ABCA12: variants seen among roughly 807,000 people sequenced by gnomAD.
The protein encoded by ABCA12 is ATP binding cassette subfamily A member 12.
Under a neutral mutation model 293.5 loss-of-function variants are expected in ABCA12, and 156 were observed. The ratio of observed to expected loss-of-function variants is 0.53; its 90% CI spans 0.47 to 0.61. The LOEUF is 0.61. Among genes scored for constraint, ABCA12 ranks in the 20% least tolerant of loss-of-function variants. The probability of loss-of-function intolerance (pLI) is 0.00; values close to 1 mark genes in which losing one functional copy is unlikely to be tolerated. For missense variants in ABCA12, 2,797 were observed against 3,090.2 expected (o/e 0.91, Z 2.25); for synonymous variants, 1,063 against 1,108.0 (o/e 0.96, Z 0.81).
intron 15 of ABCA12, among the ~76,000 whole-genome samples, chr2:215,014,189 A>G (rs1030232327): frequency 5.9e-5 from 9 of 152,116 alleles, no homozygotes; most frequent in Non-Finnish European, 1.3e-4. Context: ...TCAAAAAAAA[A>G]AAAAGGTTTA....
intron 26 of ABCA12, among the ~76,000 whole-genome samples, chr2:214,988,322 G>C: frequency 6.6e-6 from 1 of 152,248 alleles, no homozygotes; most frequent in East Asian, 1.9e-4. Context: ...TAAGTGTACA[G>C]GTAGATAAGT....
intron 1 of ABCA12, among the ~76,000 whole-genome samples, chr2:215,124,787 G>A (rs775116582): frequency 6.6e-6 from 1 of 152,112 alleles, no homozygotes; most frequent in Non-Finnish European, 1.5e-5. Context: ...TCCTTTTGCT[G>A]TGCAAAAGCT....
At chr2:215,060,034 A>T (rs1055334435) in intron 3 of ABCA12, among the ~76,000 whole-genome samples, 4 of 151,948 alleles carry the variant, frequency 2.6e-5, no homozygotes, top group African/African-American at 7.3e-5. Context: ...GCCCACCCAC[A>T]CTTATCTCCA....
intron 1 of ABCA12, among the ~76,000 whole-genome samples, chr2:215,134,597 CTCTATATA>C (rs1475799513): frequency 1.2e-5 from 1 of 83,000 alleles, no homozygotes; most frequent in African/African-American, 8.5e-5. Context: ...CTCTCTCTCT[CTCTATATA>C]TATATATATA....
At position 215,025,061 on chromosome 2, in the gene ABCA12, T is replaced by C. The variant is rs532963502; in HGVS notation, c.1287+612A>G. On this transcript the variant is annotated intron_variant, in intron 11 of 52. Coordinates refer to ENST00000272895, the MANE Select transcript of ABCA12 (RefSeq NM_173076.3). Reference sequence around the variant, plus strand: ...TTTGAGATTTTTGTATGCTGTGAAATCTAAAACATCAGCTTTCAAAATCTA... The same window carrying C: ...TTTGAGATTTTTGTATGCTGTGAAACCTAAAACATCAGCTTTCAAAATCTA... Among the ~76,000 whole-genome samples, 277 of 152,258 alleles carry C rather than the reference T, an allele frequency of 1.8e-3. 1 individual carries two copies. The highest frequency in any genetic ancestry group is 2.8e-3 in the Non-Finnish European group (192 of 68,002).
At chr2:215,047,531 G>T (rs1701227067) in intron 6 of ABCA12, among the ~76,000 whole-genome samples, 1 of 152,094 alleles carries the variant, frequency 6.6e-6, no homozygotes, top group Non-Finnish European at 1.5e-5. Flanking sequence ...AAGCCATGGG[G>T]AAAGAACTCC....
At chr2:215,064,420 G>A (rs746806487) in intron 2 of ABCA12, among the ~76,000 whole-genome samples, 8 of 151,958 alleles carry the variant, frequency 5.3e-5, no homozygotes, top group Non-Finnish European at 8.8e-5. Context: ...TCCCTTTTCC[G>A]GATTTGCTAA....
rs1457467483 is a variant in ABCA12 at position 214,949,025 on chromosome 2, A to G, written c.6962+15T>C. On this transcript the variant is annotated intron_variant, in intron 46 of 52. Transcript: ENST00000272895. ...TATGTTGTACTCGCTAAATTGAAGCATTAGTTTTTCATACCCGGTCTTATT... is the reference window on the plus strand; with the variant it reads ...TATGTTGTACTCGCTAAATTGAAGCGTTAGTTTTTCATACCCGGTCTTATT... 1.3e-6 allele frequency: 2 copies of G among 1,585,936 alleles called. No homozygotes were observed. Among genetic ancestry groups the G allele is most frequent in the Admixed American group, 3.3e-5 (2 of 59,964 alleles).
intron 6 of ABCA12, among the ~76,000 whole-genome samples, chr2:215,049,166 T>C (rs936171504): frequency 4.6e-5 from 7 of 152,114 alleles, no homozygotes; most frequent in African/African-American, 1.4e-4. Flanking sequence ...ATAAAAGTTT[T>C]TGAAAATTCA....
intron 2 of ABCA12, among the ~76,000 whole-genome samples, chr2:215,092,337 G>T (rs981583387): frequency 6.6e-6 from 1 of 152,014 alleles, no homozygotes; most frequent in Non-Finnish European, 1.5e-5. Flanking sequence ...CCCCTGCCCA[G>T]TTCCCTTATT....
intron 4 of ABCA12, 119 bp downstream of exon 4, chr2:215,054,454 C>A (rs1204675332): frequency 5.7e-6 from 5 of 869,780 alleles, no homozygotes; most frequent in Non-Finnish European, 9.5e-6. Context: ...TTAGATCTCA[C>A]AGGGCTATTC....
intron 2 of ABCA12, among the ~76,000 whole-genome samples, chr2:215,077,454 T>C (rs1021922298): frequency 6.6e-6 from 1 of 152,196 alleles, no homozygotes; most frequent in Non-Finnish European, 1.5e-5. Context: ...TTTCATTTTT[T>C]TACTCACTGT....
chr2:215,116,829 C>A (rs933249277), intron 1 of ABCA12, among the ~76,000 whole-genome samples: 3 of 152,128 alleles, frequency 2.0e-5, no homozygotes, highest in South Asian at 2.1e-4. Flanking sequence ...ACAACTGATA[C>A]TTTACAAGAC....
At chr2:215,065,869 T>A (rs781011522) in intron 2 of ABCA12, among the ~76,000 whole-genome samples, 2 of 152,086 alleles carry the variant, frequency 1.3e-5, no homozygotes, top group Non-Finnish European at 2.9e-5. Flanking sequence ...AATACCAGTA[T>A]GAATGAAAGA....
At chr2:214,976,904 G>A (rs1050612055) in intron 33 of ABCA12, among the ~76,000 whole-genome samples, 9 of 152,070 alleles carry the variant, frequency 5.9e-5, no homozygotes, top group Admixed American at 4.6e-4. Context: ...CTGCCACCAC[G>A]CACACCTTCA....
chr2:215,053,665 T>C (rs1461956782), intron 4 of ABCA12, among the ~76,000 whole-genome samples: 1 of 152,170 alleles, frequency 6.6e-6, no homozygotes, highest in Non-Finnish European at 1.5e-5. Context: ...CAACTTGCAT[T>C]GGAATGTTAT....
intron 45 of ABCA12, among the ~76,000 whole-genome samples, chr2:214,950,364 A>ATG (rs1406056790): frequency 4.2e-5 from 6 of 142,842 alleles, no homozygotes; most frequent in African/African-American, 1.1e-4. Context: ...ATATATATAT[A>ATG]TGTGTGTGTA....
Position 214,987,797 on chromosome 2 carries a change from G to T in ABCA12, c.3830-4C>A, listed in dbSNP as rs1202479210. 1.4e-5 allele frequency: 23 copies of T among 1,612,828 alleles called. No individual in the cohort carries two copies. Among genetic ancestry groups the T allele is most frequent in the Non-Finnish European group, 1.9e-5 (23 of 1,179,544 alleles). ...GGAGCTGCCATACCGTATGTCCCTGGAATAAAAATATATCAGGAACAGTGA... is the reference window on the plus strand; with the variant it reads ...GGAGCTGCCATACCGTATGTCCCTGTAATAAAAATATATCAGGAACAGTGA... On this transcript the variant is annotated splice_polypyrimidine_tract_variant and splice_region_variant and intron_variant, in intron 26 of 52. Transcript: ENST00000272895.
intron 2 of ABCA12, among the ~76,000 whole-genome samples, chr2:215,069,923 T>A (rs1016396004): frequency 6.6e-6 from 1 of 152,210 alleles, no homozygotes; most frequent in African/African-American, 2.4e-5. Flanking sequence ...AGCACAATGC[T>A]TCACACATTG....
Sources: gnomAD v4.1 joint callset for allele counts (sites outside exome capture counted in the v4.1 genomes callset) on GRCh38, gnomAD v4.1.1 for gene constraint, MANE v1.5 for transcripts, NCBI Gene and HGNC (gene_info 2026-07-23, HGNC 2026-07-21) for gene names.